NXN: variants seen among roughly 807,000 people sequenced by gnomAD.
The protein encoded by NXN is nucleoredoxin.
NXN carries 16 observed loss-of-function variants against 48.6 expected under a neutral mutation model. The observed-to-expected ratio is 0.33, with a 90% CI of 0.22 to 0.50. The LOEUF is 0.50. NXN is among the 20% of genes least tolerant of loss of function. The pLI, the probability that NXN is intolerant of heterozygous loss-of-function variation, is 0.98. For synonymous variants in NXN, 281 were observed against 269.6 expected, an observed-to-expected ratio of 1.04 and a Z score of -0.41; for missense variants, 492 against 605.5, an observed-to-expected ratio of 0.81 and a Z score of 1.97.
At chr17:970,942 ACT>A (rs1156963123) in intron 1 of NXN, among the ~76,000 whole-genome samples, 2 of 143,798 alleles carry the variant, frequency 1.4e-5, no homozygotes, top group South Asian at 2.2e-4. Flanking sequence ...CAGATATGAG[ACT>A]CTTTTTTTTT....
At chr17:969,306 C>T (rs1158857529) in intron 1 of NXN, among the ~76,000 whole-genome samples, 3 of 152,128 alleles carry the variant, frequency 2.0e-5, no homozygotes, top group South Asian at 4.1e-4. Flanking sequence ...CAGAACTGGC[C>T]CCAAAGTCAC....
chr17:879,149 G>A (rs2068254409), intron 1 of NXN, among the ~76,000 whole-genome samples: 1 of 151,920 alleles, frequency 6.6e-6, no homozygotes, highest in African/African-American at 2.4e-5. Context: ...TGGGCAACAA[G>A]AGAGAAACTC....
intron 5 of NXN, among the ~76,000 whole-genome samples, chr17:810,951 G>A (rs1911961557): frequency 6.6e-6 from 1 of 152,046 alleles, no homozygotes; most frequent in Non-Finnish European, 1.5e-5. Flanking sequence ...AAGGTCTCGA[G>A]GCAGCCCCTC....
chr17:827,672 G>C (rs75710023), intron 1 of NXN, among the ~76,000 whole-genome samples: 11,959 of 152,306 alleles, frequency 0.079, 597 homozygotes, highest in Middle Eastern at 0.14. Context: ...TGTTCCTCCA[G>C]AAAAGACAGA....
intron 1 of NXN, among the ~76,000 whole-genome samples, chr17:939,892 G>A (rs1162513483): frequency 1.3e-5 from 2 of 152,118 alleles, no homozygotes; most frequent in East Asian, 3.9e-4. Flanking sequence ...CACTGTGGCG[G>A]GCCCTGCAGT....
chr17:856,485 G>A (rs1255795416), intron 1 of NXN, among the ~76,000 whole-genome samples: 2 of 138,942 alleles, frequency 1.4e-5, no homozygotes, highest in Non-Finnish European at 3.1e-5. Flanking sequence ...CTAAGTACTT[G>A]TCTTTTTTTT....
chr17:972,205 A>G lies in NXN; in HGVS notation c.360+7114T>C, dbSNP rs539223178. 4.3e-4 allele frequency among the ~76,000 whole-genome samples: 65 copies of G among 151,076 alleles called. 1 individual carries two copies. The highest frequency in any genetic ancestry group is 1.2e-3 in the African/African-American group (50 of 41,106). ...TAATCCCAGCTACTCGGGAGGCTGA[A>G]GCAGAAGAATTGCTTGAACCCAGAA... On this transcript the variant is annotated intron_variant, in intron 1 of 7. Coordinates refer to ENST00000336868, the MANE Select transcript of NXN (RefSeq NM_022463.5).
intron 1 of NXN, among the ~76,000 whole-genome samples, chr17:950,883 C>T (rs1399686650): frequency 6.6e-6 from 1 of 151,964 alleles, no homozygotes; most frequent in Non-Finnish European, 1.5e-5. Flanking sequence ...AGTAAAGACA[C>T]CTCCGTAAGA....
intron 1 of NXN, among the ~76,000 whole-genome samples, chr17:842,978 AAGAGAGAAAGAGAGAAAGAGAGAAAGAG>A (rs1450629521): frequency 4.2e-3 from 469 of 111,204 alleles, no homozygotes; most frequent in African/African-American, 9.7e-3. Context: ...GAAAGAGAGA[AAGAGAGAAAGAGAGAAAGAGAGAAAGAG>A]AGAAAGAAAG....
At chr17:859,626 A>G (rs2068021584) in intron 1 of NXN, among the ~76,000 whole-genome samples, 1 of 152,190 alleles carries the variant, frequency 6.6e-6, no homozygotes, top group Admixed American at 6.5e-5. Flanking sequence ...TGCCAGAGAA[A>G]CAACTGATCT....
At chr17:912,789 C>A (rs933790001) in intron 1 of NXN, among the ~76,000 whole-genome samples, 1 of 152,010 alleles carries the variant, frequency 6.6e-6, no homozygotes. Flanking sequence ...CCCGTCTCTA[C>A]TAAAAATACG....
chr17:803,674 G>A lies in NXN; in HGVS notation c.1125+8C>T, dbSNP rs115282889. The A allele has an allele frequency of 9.4e-4, 1,512 of 1,614,034 alleles. 11 individuals are homozygous for A. In the African/African-American group the frequency reaches 0.014, roughly 15 times the overall value. ...CAGCCCTGGGCCAAGCCTCTCCTCCGCACTCACCTCCCCGGCTACGAAGAA... is the reference window on the plus strand; with the variant it reads ...CAGCCCTGGGCCAAGCCTCTCCTCCACACTCACCTCCCCGGCTACGAAGAA... On this transcript the variant is annotated splice_region_variant and intron_variant, in intron 7 of 7. Coordinates refer to ENST00000336868, the MANE Select transcript of NXN (RefSeq NM_022463.5).
intron 1 of NXN, among the ~76,000 whole-genome samples, chr17:873,105 C>T (rs78601373): frequency 0.12 from 17,674 of 152,146 alleles, 1,175 homozygotes; most frequent in African/African-American, 0.19. Context: ...TCAGACTTGG[C>T]GGGAACTTAC....
chr17:959,007 T>C (rs888471863), intron 1 of NXN: 5 of 226,948 alleles, frequency 2.2e-5, no homozygotes, highest in East Asian at 9.3e-5. Flanking sequence ...GAAAGAATCA[T>C]GCGGATGTGC....
chr17:931,483 T>C (rs2068852680), intron 1 of NXN, among the ~76,000 whole-genome samples: 3 of 151,244 alleles, frequency 2.0e-5, no homozygotes, highest in South Asian at 2.1e-4. Context: ...TAAAGTCATA[T>C]AATAAGCCTA....
chr17:917,637 C>T lies in NXN; in HGVS notation c.360+61682G>A, dbSNP rs1315453663. ...CTCTCCCACAAGGACGTGGCTCAGA[C>T]GCACGTCACCATCTCAACCCAATGT... On this transcript the variant is annotated intron_variant, in intron 1 of 7. Transcript: ENST00000336868. The surrounding 1 kb of genome is among the most constrained non-coding windows in gnomAD (Gnocchi z 4.5). 1.3e-5 allele frequency among the ~76,000 whole-genome samples: 2 copies of T among 152,226 alleles called. No homozygotes were observed. The highest frequency in any genetic ancestry group is 2.9e-5 in the Non-Finnish European group (2 of 68,042).
chr17:925,822 G>T (rs377347522), intron 1 of NXN, among the ~76,000 whole-genome samples: 1 of 152,224 alleles, frequency 6.6e-6, no homozygotes, highest in Non-Finnish European at 1.5e-5. Context: ...GCTCACGAAC[G>T]TCCCTGTTCC....
At chr17:970,963 T>G (rs1319126649) in intron 1 of NXN, among the ~76,000 whole-genome samples, 8 of 151,270 alleles carry the variant, frequency 5.3e-5, no homozygotes, top group Admixed American at 4.6e-4. Context: ...TTTTTTTTTT[T>G]GACACGGAGT....
At chr17:841,612 A>AGCAGGTCCCCCCGACCACGGC in intron 1 of NXN, among the ~76,000 whole-genome samples, 1 of 8,478 alleles carries the variant, frequency 1.2e-4, no homozygotes, top group Admixed American at 1.1e-3. Flanking sequence ...CCGACCACAG[A>AGCAGGTCCCCCCGACCACGGC]GCATCTCACA....
Sources: gnomAD v4.1 joint callset for allele counts (sites outside exome capture counted in the v4.1 genomes callset) on GRCh38, gnomAD v4.1.1 for gene constraint, Gnocchi (gnomAD v3.1) non-coding constraint, MANE v1.5 for transcripts, NCBI Gene and HGNC (gene_info 2026-07-23, HGNC 2026-07-21) for gene names.